TRPC7: variants seen among roughly 807,000 people sequenced by gnomAD.
TRPC7 encodes the protein transient receptor potential cation channel subfamily C member 7.
Under a neutral mutation model 90.1 loss-of-function variants are expected in TRPC7, and 42 were observed. That is an observed-to-expected ratio of 0.47 (90% confidence interval 0.36 to 0.60). The LOEUF is 0.60. TRPC7 is among the 20% of genes least tolerant of loss of function. The pLI is 0.00. For synonymous variants in TRPC7, 451 were observed against 436.3 expected (o/e 1.03, Z -0.42); for missense variants, 955 against 1,112.3 (o/e 0.86, Z 2.01).
intron 2 of TRPC7, among the ~76,000 whole-genome samples, chr5:136,353,397 C>G (rs1760263912): frequency 6.6e-6 from 1 of 152,290 alleles, no homozygotes; most frequent in South Asian, 2.1e-4. Context: ...TGACATATGA[C>G]ATTTCCAATG....
chr5:136,293,425 A>C (rs1457752657), intron 3 of TRPC7, among the ~76,000 whole-genome samples: 1 of 152,254 alleles, frequency 6.6e-6, no homozygotes, highest in Non-Finnish European at 1.5e-5. Flanking sequence ...TTAAGCTGAT[A>C]AGCAACTTCA....
chr5:136,268,580 C>T (rs549686467), intron 4 of TRPC7, among the ~76,000 whole-genome samples: 1 of 152,260 alleles, frequency 6.6e-6, no homozygotes, highest in East Asian at 1.9e-4. Context: ...GTAGCTGCAC[C>T]CAAGCTGGCT....
intron 2 of TRPC7, among the ~76,000 whole-genome samples, chr5:136,344,043 G>T (rs1157159812): frequency 6.6e-6 from 1 of 152,102 alleles, no homozygotes; most frequent in African/African-American, 2.4e-5. Flanking sequence ...GCTCATCAAT[G>T]CTAGACTGGA....
chr5:136,295,901 C>A (rs1758152800), intron 3 of TRPC7, among the ~76,000 whole-genome samples: 1 of 152,208 alleles, frequency 6.6e-6, no homozygotes, highest in Admixed American at 6.5e-5. Flanking sequence ...CTACTGGACA[C>A]CTCTAACGGT....
Position 136,213,400 on chromosome 5 carries a change from A to G in TRPC7, c.*35T>C. The G allele has an allele frequency of 6.2e-7, 1 of 1,607,940 alleles. No homozygotes were observed. The highest frequency in any genetic ancestry group is 1.1e-5 in the South Asian group (1 of 90,086). On this transcript the variant is annotated 3_prime_UTR_variant, in exon 12 of 12. Coordinates refer to ENST00000513104, the MANE Select transcript of TRPC7 (RefSeq NM_020389.3). ...CGAGGGCATCCAACCTGGCCTTGGA[A>G]TGCTGGTAGAAGTCACAGACGCCGA...
intron 3 of TRPC7, among the ~76,000 whole-genome samples, chr5:136,301,670 T>C (rs1758395294): frequency 2.0e-5 from 3 of 152,172 alleles, no homozygotes; most frequent in African/African-American, 4.8e-5. Context: ...AAAACATTGC[T>C]CTTAACTTCA....
intron 4 of TRPC7, among the ~76,000 whole-genome samples, chr5:136,273,001 G>A (rs1454332889): frequency 6.6e-6 from 1 of 152,126 alleles, no homozygotes; most frequent in East Asian, 1.9e-4. Context: ...TCTTTTCCCA[G>A]GCCACTAGGC....
intron 7 of TRPC7, among the ~76,000 whole-genome samples, chr5:136,236,738 G>A (rs903399715): frequency 6.6e-6 from 1 of 152,278 alleles, no homozygotes; most frequent in African/African-American, 2.4e-5. Flanking sequence ...TTGTATACGG[G>A]CCTCAGAGAG....
At chr5:136,282,516 G>A (rs171101) in intron 3 of TRPC7, among the ~76,000 whole-genome samples, 96,489 of 152,036 alleles carry the variant, frequency 0.63, 31,263 homozygotes, top group African/African-American at 0.77. Context: ...TGATGTAGGT[G>A]TAACATCTAT....
intron 3 of TRPC7, among the ~76,000 whole-genome samples, chr5:136,304,582 C>G (rs1445037077): frequency 6.6e-6 from 1 of 152,042 alleles, no homozygotes; most frequent in Non-Finnish European, 1.5e-5. Context: ...TTTACTATTC[C>G]TTTGCACCCT....
At chr5:136,288,156 T>C (rs1757794488) in intron 3 of TRPC7, among the ~76,000 whole-genome samples, 1 of 152,050 alleles carries the variant, frequency 6.6e-6, no homozygotes, top group African/African-American at 2.4e-5. Context: ...AAGTAACCCA[T>C]CTGAGGTCAC....
Position 136,226,176 on chromosome 5 carries a change from G to A in TRPC7, c.2120C>T (p.Ala707Val), listed in dbSNP as rs781750138. 1.3e-6 allele frequency: 2 copies of A among 1,558,148 alleles called. No individual in the cohort carries two copies. The highest frequency in any genetic ancestry group is 1.7e-6 in the Non-Finnish European group (2 of 1,149,536). The change falls in exon 9 of 12, where the codon GCT becomes GTT. Residue 707 changes from alanine (A) to valine (V), a missense_variant. Physicochemically the swap from Ala to Val is moderately conservative, Grantham distance 64. Transcript: ENST00000513104. ...AGGACTTGGCACTAGATTAAAAGGAGCAGGTAGAGTTCTTCCTTCATCAAA... is the reference window on the plus strand; with the variant it reads ...AGGACTTGGCACTAGATTAAAAGGAACAGGTAGAGTTCTTCCTTCATCAAA... ...SYFDEGRTLP[A>V]PFNLVPSPKS... is the part of the protein sequence containing the mutation.
At chr5:136,229,393 T>C (rs950678944) in intron 8 of TRPC7, among the ~76,000 whole-genome samples, 9 of 152,138 alleles carry the variant, frequency 5.9e-5, no homozygotes, top group African/African-American at 1.9e-4. Context: ...GTACTCTTTT[T>C]TGGGGAGGGT....
chr5:136,252,959 A>G (rs1756570740), intron 5 of TRPC7, among the ~76,000 whole-genome samples: 1 of 152,176 alleles, frequency 6.6e-6, no homozygotes, highest in South Asian at 2.1e-4. Flanking sequence ...ATCCTTCTAG[A>G]CCTGTACTGT....
chr5:136,358,665 C>G (rs1468193395), intron 1 of TRPC7, among the ~76,000 whole-genome samples: 1 of 152,202 alleles, frequency 6.6e-6, no homozygotes, highest in Non-Finnish European at 1.5e-5. Context: ...GATATGCCAT[C>G]TCCAGCTAGC....
intron 3 of TRPC7, among the ~76,000 whole-genome samples, chr5:136,284,068 C>T (rs570594762): frequency 6.6e-6 from 1 of 152,336 alleles, no homozygotes; most frequent in South Asian, 2.1e-4. Context: ...ACTTCAATTG[C>T]TGTCTGCACT....
At chr5:136,276,510 C>A (rs909589369) in intron 3 of TRPC7, among the ~76,000 whole-genome samples, 3 of 152,204 alleles carry the variant, frequency 2.0e-5, no homozygotes, top group African/African-American at 7.2e-5. Flanking sequence ...ATGTAAGTGA[C>A]AACATGTTTC....
rs527777644 is a variant in TRPC7 at position 136,311,307 on chromosome 5, G to A, written c.963+4290C>T. Among the ~76,000 whole-genome samples the A allele has an allele frequency of 4.6e-4, 70 of 152,290 alleles. No homozygotes were observed. The South Asian group carries it at 0.014, about 31-fold the overall frequency. On this transcript the variant is annotated intron_variant, in intron 3 of 11. Coordinates refer to ENST00000513104, the MANE Select transcript of TRPC7 (RefSeq NM_020389.3). ...CCAGAGATGAGGAAGCAATCTAGAG[G>A]AGAGAGAGGGATGGATGAGAGTGTG... is the stretch of plus-strand genomic sequence containing the variant.
intron 1 of TRPC7, among the ~76,000 whole-genome samples, chr5:136,359,423 C>A (rs961761449): frequency 1.3e-5 from 2 of 152,172 alleles, no homozygotes; most frequent in South Asian, 2.1e-4. Context: ...TTAGGAAGAG[C>A]GTCTGAACCA....
Sources: allele counts gnomAD v4.1 joint callset (sites outside exome capture counted in the v4.1 genomes callset), GRCh38; gene constraint gnomAD v4.1.1; transcripts MANE v1.5; gene names NCBI Gene and HGNC (gene_info 2026-07-23, HGNC 2026-07-21).